TLCD3A: variants seen among roughly 807,000 people sequenced by gnomAD.
The protein encoded by TLCD3A is TLC domain-containing protein 3A.
In TLCD3A, 17 loss-of-function variants were observed where a neutral mutation model predicts 29.9. That is an observed-to-expected ratio of 0.57 (90% CI 0.39 to 0.85). The LOEUF (loss-of-function observed/expected upper bound fraction) is 0.85, where lower values mean the gene tolerates loss of function less well. TLCD3A is among the 40% of genes least tolerant of loss of function. The pLI is 0.00. For synonymous variants in TLCD3A, 143 were observed against 147.7 expected (o/e 0.97, Z 0.23); for missense variants, 332 against 350.8 (o/e 0.95, Z 0.43).
Position 741,370 on chromosome 17 carries a change from C to G in TLCD3A, c.574C>G (p.Arg192Gly), listed in dbSNP as rs755443158. 1.2e-6 allele frequency: 2 copies of G among 1,614,188 alleles called. No individual in the cohort carries two copies. Among genetic ancestry groups the G allele is most frequent in the Non-Finnish European group, 1.7e-6 (2 of 1,180,028 alleles). Residue 192 changes from arginine to glycine, a missense_variant, in exon 5 of 5, where the codon CGG becomes GGG. Arg to Gly is a moderately radical substitution (Grantham distance 125). Coordinates refer to ENST00000308278, the MANE Select transcript of TLCD3A (RefSeq NM_024792.3). ...ILTLATFLSC[R>G]ILLFPFMYWS... is the part of the protein sequence containing the mutation. ...CACGCTGGCCACCTTCCTTTCCTGC[C>G]GGATCCTTCTCTTCCCCTTCATGTA...
Position 742,817 on chromosome 17 carries a change from A to G in TLCD3A, c.*1247A>G, listed in dbSNP as rs1199662543. The G allele has an allele frequency of 6.6e-6, 1 of 152,636 alleles. No homozygotes were observed. The highest frequency in any genetic ancestry group is 2.4e-5 in the African/African-American group (1 of 41,464). 9.5% of individuals were successfully genotyped at this position (152,636 alleles called of 1,614,324 possible). ...GCCTTTCAATTGTCTGTGAACGTCT[A>G]AAGGACTGATTTGTCTCATTTTGAC... On this transcript the variant is annotated 3_prime_UTR_variant, in exon 5 of 5. Coordinates refer to ENST00000308278, the MANE Select transcript of TLCD3A (RefSeq NM_024792.3).
At chr17:740,155 C>T (rs944266851) in intron 3 of TLCD3A, among the ~76,000 whole-genome samples, 1 of 152,178 alleles carries the variant, frequency 6.6e-6, no homozygotes, top group African/African-American at 2.4e-5. Context: ...CTTTGAGACC[C>T]TAACATCTAG....
At chr17:737,367 T>A (rs1974172627) in intron 2 of TLCD3A, among the ~76,000 whole-genome samples, 1 of 151,604 alleles carries the variant, frequency 6.6e-6, no homozygotes, top group Admixed American at 6.6e-5. Flanking sequence ...CTCCATAGAG[T>A]GGGGTTGCAT....
chr17:735,986 C>CAA (rs55943725), intron 2 of TLCD3A, among the ~76,000 whole-genome samples: 21,779 of 106,888 alleles, frequency 0.2, 2,012 homozygotes, highest in Non-Finnish European at 0.27. Flanking sequence ...AAACCAAAAC[C>CAA]AAAAAAAAAA....
At chr17:738,627 C>G (rs1443084650) in intron 3 of TLCD3A, among the ~76,000 whole-genome samples, 5 of 152,176 alleles carry the variant, frequency 3.3e-5, no homozygotes, top group Admixed American at 3.3e-4. Flanking sequence ...GGGTGGAGTG[C>G]AGTTGTTGGA....
chr17:733,738 C>T (rs756709588), intron 2 of TLCD3A, among the ~76,000 whole-genome samples: 6 of 152,220 alleles, frequency 3.9e-5, no homozygotes, highest in Non-Finnish European at 8.8e-5. Flanking sequence ...TGAAACAAAT[C>T]ATAAATTAAG....
At chr17:736,010 A>ACCTGGC (rs1325963948) in intron 2 of TLCD3A, among the ~76,000 whole-genome samples, 2 of 142,524 alleles carry the variant, frequency 1.4e-5, no homozygotes, top group Admixed American at 1.4e-4. Flanking sequence ...AAAAAAAGGA[A>ACCTGGC]CCTGGCTAAT....
In TLCD3A at chr17:740,500, C is replaced by T. The variant is rs370481153; in HGVS notation, c.409-5C>T. 3.1e-5 allele frequency: 50 copies of T among 1,612,916 alleles called. No individual in the cohort carries two copies. Among genetic ancestry groups the T allele is most frequent in the African/African-American group, 1.2e-4 (9 of 74,898 alleles). On this transcript the variant is annotated splice_polypyrimidine_tract_variant and splice_region_variant and intron_variant, in intron 3 of 4. Transcript: ENST00000308278. Reference sequence around the variant, plus strand: ...TACTTCCCCTTTTCGTTTCGTCATCCGCAGAGGCTCCGGGGAGACCTTGGG... The same window carrying T: ...TACTTCCCCTTTTCGTTTCGTCATCTGCAGAGGCTCCGGGGAGACCTTGGG...
At chr17:740,351 G>T (rs550370513) in intron 3 of TLCD3A, among the ~76,000 whole-genome samples, 154 bp from the exon 4 acceptor site, 1 of 152,344 alleles carries the variant, frequency 6.6e-6, no homozygotes, top group Non-Finnish European at 1.5e-5. Flanking sequence ...TCAAAGTGCT[G>T]TTGCCACGGA....
At chr17:741,209 T>A (rs1406607573) in intron 4 of TLCD3A, 92 bp from the exon 5 acceptor site, 2 of 1,321,588 alleles carry the variant, frequency 1.5e-6, no homozygotes, top group African/African-American at 2.9e-5. Flanking sequence ...CCTGCACCTG[T>A]GTGGCATTTA....
chr17:741,268 G>T (rs920532591), intron 4 of TLCD3A, 33 bp from the exon 5 acceptor site: 2 of 1,610,950 alleles, frequency 1.2e-6, no homozygotes, highest in Non-Finnish European at 1.7e-6. Flanking sequence ...GCTTCTTGGT[G>T]ACCTTACCTT....
At position 740,612 on chromosome 17, in the gene TLCD3A, T is replaced by A. The variant is rs1974235547; in HGVS notation, c.504+12T>A. 3.1e-6 allele frequency: 5 copies of A among 1,606,480 alleles called. No homozygotes were observed. Among genetic ancestry groups the A allele is most frequent in the Non-Finnish European group, 2.6e-6 (3 of 1,173,866 alleles). ...GGGTTCTGATTCAGGCATGTATGAATGAAATGACAGAGAGTGTGAGGGTTC... is the reference window on the plus strand; with the variant it reads ...GGGTTCTGATTCAGGCATGTATGAAAGAAATGACAGAGAGTGTGAGGGTTC... On this transcript the variant is annotated intron_variant, in intron 4 of 4. Transcript: ENST00000308278.
At chr17:736,033 A>G (rs1024956234) in intron 2 of TLCD3A, among the ~76,000 whole-genome samples, 1 of 151,086 alleles carries the variant, frequency 6.6e-6, no homozygotes, top group Admixed American at 6.6e-5. Flanking sequence ...ATTCACCTAC[A>G]AGTGTGTTAT....
chr17:737,605 T>C (rs1288200337), intron 2 of TLCD3A, among the ~76,000 whole-genome samples: 1 of 152,130 alleles, frequency 6.6e-6, no homozygotes, highest in African/African-American at 2.4e-5. Flanking sequence ...GTCAGGCAAG[T>C]AGTGACAGCA....
intron 2 of TLCD3A, among the ~76,000 whole-genome samples, chr17:734,630 G>A (rs1001108643): frequency 1.3e-5 from 2 of 151,846 alleles, no homozygotes; most frequent in Admixed American, 1.3e-4. Context: ...GGCCTTTCAG[G>A]GTTCATATAC....
At chr17:735,609 GAAGA>G (rs1455934721) in intron 2 of TLCD3A, among the ~76,000 whole-genome samples, 1 of 152,104 alleles carries the variant, frequency 6.6e-6, no homozygotes, top group Admixed American at 6.6e-5. Flanking sequence ...GAAATTGCTT[GAAGA>G]AAGCACCTGA....
At chr17:733,056 G>C (rs1974099708) in intron 1 of TLCD3A, 42 bp from the exon 2 acceptor site, 43 of 1,541,934 alleles carry the variant, frequency 2.8e-5, no homozygotes, top group Non-Finnish European at 3.8e-5. Flanking sequence ...GCGGTCCTCG[G>C]ACCGGACTGA....
rs1974277322 is a variant in TLCD3A, at chr17:742,665, G to A, written c.*1095G>A. 1.3e-5 allele frequency: 2 copies of A among 152,578 alleles called. No homozygotes were observed. Among genetic ancestry groups the A allele is most frequent in the East Asian group, 1.9e-4 (1 of 5,174 alleles). The allele number at this position is 152,578 out of a possible 1,614,324, so 9.5% of individuals were successfully genotyped here. On this transcript the variant is annotated 3_prime_UTR_variant, in exon 5 of 5. Coordinates refer to ENST00000308278, the MANE Select transcript of TLCD3A (RefSeq NM_024792.3). ...GGCTGTCCCGTGGACCGACACCTGC[G>A]CCCCCTTCTGCAAGCAGGATTTTCT...
chr17:735,986 C>CAAAAAAAAAAAAAAAA lies in TLCD3A; in HGVS notation c.207-1855_207-1840dup, dbSNP rs55943725. On this transcript the variant is annotated intron_variant, in intron 2 of 4. Coordinates refer to ENST00000308278, the MANE Select transcript of TLCD3A (RefSeq NM_024792.3). ...AAGATTTTGTCTCAAAAACCAAAACCAAAAAAAAAAAAAAAAAAAAGGAAC... is the reference window on the plus strand; with the variant it reads ...AAGATTTTGTCTCAAAAACCAAAACCAAAAAAAAAAAAAAAAAAAAAAAAAAAAAAAAAAAAGGAAC... Among the ~76,000 whole-genome samples, 3 of 107,276 alleles carry CAAAAAAAAAAAAAAAA rather than the reference C, an allele frequency of 2.8e-5. 1 individual carries two copies. Among genetic ancestry groups the CAAAAAAAAAAAAAAAA allele is most frequent in the Non-Finnish European group, 5.4e-5 (3 of 55,258 alleles). 70.4% of individuals were successfully genotyped at this position (107,276 alleles called of 152,430 possible).
Sources: gnomAD v4.1 joint callset for allele counts (sites outside exome capture counted in the v4.1 genomes callset) on GRCh38, gnomAD v4.1.1 for gene constraint, MANE v1.5 for transcripts, NCBI Gene and HGNC (gene_info 2026-07-23, HGNC 2026-07-21) for gene names.